ZHX3: variants seen among roughly 807,000 people sequenced by gnomAD.
ZHX3 encodes zinc fingers and homeoboxes protein 3.
ZHX3 carries 20 observed loss-of-function variants against 64.5 expected under a neutral mutation model. The ratio of observed to expected loss-of-function variants is 0.31; its 90% confidence interval spans 0.22 to 0.45. The LOEUF (loss-of-function observed/expected upper bound fraction) is 0.45. Among genes scored for constraint, ZHX3 ranks in the 20% least tolerant of loss-of-function variants. ZHX3 has a pLI of 1.00. For missense variants in ZHX3, 1,041 were observed against 1,195.8 expected (o/e 0.87, Z 1.91); for synonymous variants, 423 against 461.6 (o/e 0.92, Z 1.07).
chr20:41,295,605 G>A (rs199899525), intron 1 of ZHX3, among the ~76,000 whole-genome samples: 6 of 152,092 alleles, frequency 3.9e-5, no homozygotes, highest in Non-Finnish European at 5.9e-5. Flanking sequence ...GGTGGCTCAC[G>A]CCTGTAATCC....
chr20:41,253,418 T>C (rs1385809661), intron 2 of ZHX3, among the ~76,000 whole-genome samples: 1 of 152,230 alleles, frequency 6.6e-6, no homozygotes, highest in Non-Finnish European at 1.5e-5. Context: ...TTCCATTTAA[T>C]ATTCCTACCT....
chr20:41,216,430 C>T (rs6129772), intron 2 of ZHX3, among the ~76,000 whole-genome samples: 40,032 of 152,076 alleles, frequency 0.26, 6,075 homozygotes, highest in East Asian at 0.73. Flanking sequence ...CTAGGCATAG[C>T]TTACTATAAT....
At chr20:41,216,692 A>G (rs1409725034) in intron 2 of ZHX3, among the ~76,000 whole-genome samples, 2 of 152,210 alleles carry the variant, frequency 1.3e-5, no homozygotes, top group Non-Finnish European at 2.9e-5. Context: ...ATCCCTGCAC[A>G]TATTTTTATA....
rs763089729 is a variant in ZHX3 at position 41,204,216 on chromosome 20, T to C, written c.701A>G (p.Asn234Ser). Residue 234 changes from asparagine to serine, a missense_variant, in exon 3 of 4, where the codon AAT becomes AGT. By Grantham distance (46) the Asn-to-Ser change is conservative. Transcript: ENST00000683867. This position sits in a 1 kb window ranked among gnomAD's most constrained non-coding sequence, Gnocchi z 6.6. Reference sequence around the variant, plus strand: ...TGCCTGGCTGACTGGAACTGCCCCATTGATGAAGGAATGGTCCCCCTCTCT... The same window carrying C: ...TGCCTGGCTGACTGGAACTGCCCCACTGATGAAGGAATGGTCCCCCTCTCT... ...EVREGDHSFI[N>S]GAVPVSQASA... The C allele has an allele frequency of 2.4e-5, 38 of 1,612,764 alleles. No individual in the cohort carries two copies. The highest frequency in any genetic ancestry group is 1.2e-4 in the African/African-American group (9 of 74,878).
chr20:41,306,280 T>C (rs1389180259), intron 1 of ZHX3, among the ~76,000 whole-genome samples: 2 of 152,358 alleles, frequency 1.3e-5, no homozygotes, highest in South Asian at 2.1e-4. Context: ...CCAACTATAT[T>C]TGCATATATA....
At position 41,247,638 on chromosome 20, in the gene ZHX3, C is replaced by T. The variant is rs368528171; in HGVS notation, c.-151+21352G>A. Reference sequence around the variant, plus strand: ...CCTCCACTCCCCAGTGACCAACTTGCACCCTGAGTAAGGTTTTGCAGCACC... The same window carrying T: ...CCTCCACTCCCCAGTGACCAACTTGTACCCTGAGTAAGGTTTTGCAGCACC... On this transcript the variant is annotated intron_variant, in intron 2 of 3. Coordinates refer to ENST00000683867, the MANE Select transcript of ZHX3 (RefSeq NM_001384317.1). 3.3e-5 allele frequency among the ~76,000 whole-genome samples: 5 copies of T among 152,148 alleles called. No homozygotes were observed. In the East Asian group the frequency reaches 7.7e-4, roughly 23 times the overall value.
intron 2 of ZHX3, among the ~76,000 whole-genome samples, chr20:41,246,732 G>A (rs1289619208): frequency 1.3e-5 from 2 of 151,714 alleles, no homozygotes; most frequent in Admixed American, 6.6e-5. Context: ...AATTAGCCAG[G>A]CGTCGTGGCA....
At position 41,212,520 on chromosome 20, in the gene ZHX3, G is replaced by A. The variant is rs372955738; in HGVS notation, c.-150-7454C>T. Among the ~76,000 whole-genome samples, 16 of 152,186 alleles carry A rather than the reference G, an allele frequency of 1.1e-4. No homozygotes were observed. The East Asian group carries it at 2.5e-3, about 24-fold the overall frequency. ...TGCCATAAGATCCAGCAATTTGGCC[G>A]GGCGCAGTGGCTCACACCTGTAATC... On this transcript the variant is annotated intron_variant, in intron 2 of 3. Transcript: ENST00000683867. This position sits in a 1 kb window ranked among gnomAD's most constrained non-coding sequence, Gnocchi z 4.3.
intron 1 of ZHX3, among the ~76,000 whole-genome samples, chr20:41,313,406 G>C (rs1288330631): frequency 1.3e-5 from 2 of 152,026 alleles, no homozygotes; most frequent in African/African-American, 2.4e-5. Context: ...ATCATTTAGA[G>C]AGAGAATATG....
rs775375074 is a variant in ZHX3, at chr20:41,270,513, A to C, written c.-244-1430T>G. Among the ~76,000 whole-genome samples the C allele has an allele frequency of 1.4e-3, 213 of 151,996 alleles. 3 individuals carry two copies. The highest frequency in any genetic ancestry group is 1.9e-3 in the Non-Finnish European group (128 of 68,016). On this transcript the variant is annotated intron_variant, in intron 1 of 3. Transcript: ENST00000683867. ...ACACGGTGAAACCCTGTCTCTACTA[A>C]AAATACAAAAAAATTAGCTGTGTGT...
intron 2 of ZHX3, among the ~76,000 whole-genome samples, chr20:41,266,214 T>C (rs1437473099): frequency 6.6e-6 from 1 of 152,196 alleles, no homozygotes; most frequent in African/African-American, 2.4e-5. Context: ...AAGCATGACG[T>C]GTAGAATAAA....
chr20:41,258,319 C>A (rs1423532858), intron 2 of ZHX3, among the ~76,000 whole-genome samples: 1 of 152,156 alleles, frequency 6.6e-6, no homozygotes, highest in Non-Finnish European at 1.5e-5. Context: ...TCTTACATAA[C>A]CATTGTATAT....
chr20:41,295,593 G>A (rs186025329), intron 1 of ZHX3, among the ~76,000 whole-genome samples: 92 of 152,202 alleles, frequency 6.0e-4, no homozygotes, highest in African/African-American at 2.0e-3. Context: ...CCAGCCAGGC[G>A]CGGTGGCTCA....
intron 2 of ZHX3, among the ~76,000 whole-genome samples, chr20:41,229,304 A>G (rs2040455011): frequency 6.6e-6 from 1 of 152,176 alleles, no homozygotes; most frequent in African/African-American, 2.4e-5. Context: ...TTATCCATCT[A>G]TCAATGAACA....
At chr20:41,294,412 A>C (rs1275087971) in intron 1 of ZHX3, among the ~76,000 whole-genome samples, 7 of 152,168 alleles carry the variant, frequency 4.6e-5, no homozygotes, top group Admixed American at 1.3e-4. Context: ...CCCAGGCTGA[A>C]GTACAGCGAT....
chr20:41,278,637 C>T (rs541709869), intron 1 of ZHX3, among the ~76,000 whole-genome samples: 3 of 141,200 alleles, frequency 2.1e-5, no homozygotes, highest in Admixed American at 2.1e-4. Context: ...AAAATAATGC[C>T]AATATTTTCC....
rs2866373 is a variant in ZHX3, at chr20:41,212,634, C to G, written c.-150-7568G>C. The stretch of plus-strand genomic sequence containing the variant: ...CCAACATGGAGAAACCCCATCTCTA[C>G]TAAAAATGCTAAATTAGCCAGGCAT... On this transcript the variant is annotated intron_variant, in intron 2 of 3. Coordinates refer to ENST00000683867, the MANE Select transcript of ZHX3 (RefSeq NM_001384317.1). This position sits in a 1 kb window ranked among gnomAD's most constrained non-coding sequence, Gnocchi z 4.3. 0.11 allele frequency among the ~76,000 whole-genome samples: 16,839 copies of G among 151,964 alleles called. 1,237 individuals are homozygous for G. Among genetic ancestry groups the G allele is most frequent in the South Asian group, 0.24 (1,143 of 4,808 alleles).
intron 2 of ZHX3, among the ~76,000 whole-genome samples, chr20:41,241,651 T>C (rs2041386522): frequency 6.6e-6 from 1 of 152,226 alleles, no homozygotes; most frequent in Non-Finnish European, 1.5e-5. Flanking sequence ...TTACTATAAC[T>C]CTGTGTATAA....
chr20:41,227,181 T>C (rs749201785), intron 2 of ZHX3, among the ~76,000 whole-genome samples: 3 of 152,130 alleles, frequency 2.0e-5, no homozygotes, highest in African/African-American at 4.8e-5. Flanking sequence ...TTCACATTAT[T>C]GTCCTGGGGT....
Sources: allele counts gnomAD v4.1 joint callset (sites outside exome capture counted in the v4.1 genomes callset), GRCh38; gene constraint gnomAD v4.1.1; non-coding constraint Gnocchi (gnomAD v3.1); transcripts MANE v1.5; gene names NCBI Gene and HGNC (gene_info 2026-07-23, HGNC 2026-07-21).